BAZ1B: variants seen among roughly 807,000 people sequenced by gnomAD.
BAZ1B encodes the protein bromodomain adjacent to zinc finger domain 1B, also known as tyrosine-protein kinase BAZ1B.
BAZ1B carries 22 observed loss-of-function variants against 153.8 expected under a neutral mutation model. That is an observed-to-expected ratio of 0.14 (90% CI 0.10 to 0.20). The LOEUF (loss-of-function observed/expected upper bound fraction) is 0.20, where lower values mean the gene tolerates loss of function less well. Ranked by LOEUF, BAZ1B falls within the 10% of genes least tolerant of loss-of-function variation. The pLI, the probability that BAZ1B is intolerant of heterozygous loss-of-function variation, is 1.00. For synonymous variants in BAZ1B, 676 were observed against 633.4 expected, an observed-to-expected ratio of 1.07 and a Z score of -1.01; for missense variants, 1,325 against 1,799.3, an observed-to-expected ratio of 0.74 and a Z score of 4.77.
intron 2 of BAZ1B, among the ~76,000 whole-genome samples, chr7:73,508,989 G>A (rs1790462839): frequency 6.6e-6 from 1 of 150,686 alleles, no homozygotes; most frequent in South Asian, 2.1e-4. Flanking sequence ...CTCCAGCCTG[G>A]GCGACAGAGC....
At chr7:73,482,734 A>G (rs1789248229) in intron 6 of BAZ1B, among the ~76,000 whole-genome samples, 1 of 152,208 alleles carries the variant, frequency 6.6e-6, no homozygotes, top group African/African-American at 2.4e-5. Flanking sequence ...TGGCTTAGCC[A>G]TGAGGGTCTA....
intron 3 of BAZ1B, among the ~76,000 whole-genome samples, chr7:73,507,908 T>G (rs377162415): frequency 1.3e-5 from 2 of 152,114 alleles, no homozygotes; most frequent in African/African-American, 4.8e-5. Flanking sequence ...CTTATAATAA[T>G]TGATGGGAGG....
rs1583970137 is a variant in BAZ1B, at chr7:73,521,994, C to G, written c.-61G>C. The G allele has an allele frequency of 1.7e-6, 2 of 1,190,144 alleles. No individual in the cohort carries two copies. Among genetic ancestry groups the G allele is most frequent in the African/African-American group, 1.6e-5 (1 of 62,518 alleles). 73.7% of individuals were successfully genotyped at this position (1,190,144 alleles called of 1,614,324 possible). A position where few individuals can be genotyped will look rare whatever the true frequency, so the allele number is the denominator to read the frequency against. On this transcript the variant is annotated 5_prime_UTR_variant, in exon 1 of 20. Transcript: ENST00000339594. Reference sequence around the variant, plus strand: ...GCCGGCCCCGCGGCGCAGCACTAGGCCCCGCGGCCCGGAGCGAGCGCCAGG... The same window carrying G: ...GCCGGCCCCGCGGCGCAGCACTAGGGCCCGCGGCCCGGAGCGAGCGCCAGG...
intron 1 of BAZ1B, among the ~76,000 whole-genome samples, chr7:73,511,796 A>C (rs1433116143): frequency 1.3e-5 from 2 of 150,990 alleles, no homozygotes; most frequent in African/African-American, 4.9e-5. Context: ...CGAGGCAGGC[A>C]GATCACCTGA....
chr7:73,454,377 TAGTA>T (rs1403198780), intron 13 of BAZ1B, among the ~76,000 whole-genome samples: 1 of 152,154 alleles, frequency 6.6e-6, no homozygotes, highest in Non-Finnish European at 1.5e-5. Context: ...ACACACCACA[TAGTA>T]AGTGTCTCAG....
rs1233957911 is a variant in BAZ1B, at chr7:73,442,117, T to C, written c.*15+64A>G. The C allele has an allele frequency of 3.7e-6, 4 of 1,082,060 alleles. No homozygotes were observed. In the African/African-American group the frequency reaches 4.8e-5, roughly 13 times the overall value. 67.0% of individuals were successfully genotyped at this position (1,082,060 alleles called of 1,614,324 possible). On this transcript the variant is annotated intron_variant, in intron 19 of 19. Coordinates refer to ENST00000339594, the MANE Select transcript of BAZ1B (RefSeq NM_032408.4). ...ACTCCCTGTGATCTCTTCCAGGTTC[T>C]TGGTCTTCCTCGCTCGCCTCCCTCC...
intron 9 of BAZ1B, among the ~76,000 whole-genome samples, chr7:73,469,269 A>G (rs1325593524): frequency 1.3e-5 from 2 of 152,204 alleles, no homozygotes; most frequent in Admixed American, 6.5e-5. Context: ...TATAAAAGCT[A>G]ATACCCAAAT....
At chr7:73,457,457 C>T (rs1418474018) in intron 13 of BAZ1B, among the ~76,000 whole-genome samples, 1 of 151,884 alleles carries the variant, frequency 6.6e-6, no homozygotes, top group Non-Finnish European at 1.5e-5. Context: ...AAATTACAGG[C>T]GTGAGCCACC....
intron 7 of BAZ1B, among the ~76,000 whole-genome samples, chr7:73,476,246 T>C (rs1554572746): frequency 6.6e-6 from 1 of 152,186 alleles, no homozygotes; most frequent in East Asian, 1.9e-4. Flanking sequence ...TTGTACATTA[T>C]CTGTGACTCT....
chr7:73,520,993 AAGAT>A (rs1310447118), intron 1 of BAZ1B, among the ~76,000 whole-genome samples: 1 of 152,214 alleles, frequency 6.6e-6, no homozygotes, highest in Non-Finnish European at 1.5e-5. Context: ...TTTTCACTAA[AAGAT>A]AATGCTTATG....
chr7:73,478,927 C>CTCTGTAGAT (rs1789095750), intron 6 of BAZ1B, among the ~76,000 whole-genome samples: 1 of 152,070 alleles, frequency 6.6e-6, no homozygotes, highest in Non-Finnish European at 1.5e-5. Flanking sequence ...TCCATGGACC[C>CTCTGTAGAT]CAGATTAAGG....
chr7:73,483,205 T>C lies in BAZ1B; in HGVS notation c.892-4636A>G, dbSNP rs369324930. ...ACAATTTTACATTTGTTCCTGTCACTTGAAACTCACCACAACCACAAATAT... is the reference window on the plus strand; with the variant it reads ...ACAATTTTACATTTGTTCCTGTCACCTGAAACTCACCACAACCACAAATAT... On this transcript the variant is annotated intron_variant, in intron 6 of 19. Transcript: ENST00000339594. 7.9e-5 allele frequency among the ~76,000 whole-genome samples: 12 copies of C among 152,206 alleles called. 1 individual carries two copies. The highest frequency in any genetic ancestry group is 5.9e-4 in the Admixed American group (9 of 15,268).
chr7:73,500,079 G>T (rs572290952), intron 3 of BAZ1B, among the ~76,000 whole-genome samples: 39 of 152,246 alleles, frequency 2.6e-4, no homozygotes, highest in Non-Finnish European at 8.8e-5. Flanking sequence ...CTCCTAAGTA[G>T]CTGGGACTAC....
chr7:73,450,871 T>C lies in BAZ1B; in HGVS notation c.3556A>G (p.Arg1186Gly). Reference protein sequence around the residue: ...IKWDMSAENARCKVCRKKGED... With the variant: ...IKWDMSAENAGCKVCRKKGED... ...CCTTTCTTTCGACAAACTTTGCACC[T>C]AGCATTTTCTGCGGACATATCCCAC... The change falls in exon 14 of 20, where the codon AGG becomes GGG. Residue 1186 changes from arginine (R) to glycine (G), a missense_variant. This residue lies in a region of BAZ1B where 21 missense variants were observed against 58.3 expected (regional missense o/e 0.36). Coordinates refer to ENST00000339594, the MANE Select transcript of BAZ1B (RefSeq NM_032408.4). This position sits in a 1 kb window ranked among gnomAD's most constrained non-coding sequence, Gnocchi z 4.1. The C allele has an allele frequency of 3.1e-6, 5 of 1,614,168 alleles. No homozygotes were observed. The highest frequency in any genetic ancestry group is 4.2e-6 in the Non-Finnish European group (5 of 1,180,028).
intron 4 of BAZ1B, 39 bp downstream of exon 4, chr7:73,498,458 A>G (rs1554576644): frequency 1.3e-6 from 2 of 1,564,042 alleles, no homozygotes; most frequent in Non-Finnish European, 1.8e-6. Context: ...AATAAACAGG[A>G]TCTCATAAAA....
intron 3 of BAZ1B, among the ~76,000 whole-genome samples, chr7:73,504,508 A>G (rs1369640134): frequency 6.6e-6 from 1 of 152,024 alleles, no homozygotes; most frequent in Non-Finnish European, 1.5e-5. Context: ...CTAAAAATAC[A>G]AAAAAATTAG....
chr7:73,447,466 C>T, intron 15 of BAZ1B, 87 bp from the exon 16 acceptor site: 4 of 1,441,038 alleles, frequency 2.8e-6, no homozygotes, highest in Non-Finnish European at 3.7e-6. Flanking sequence ...GATCAGGAAA[C>T]TTCTCTTCAC....
At chr7:73,520,113 G>A (rs1790974736) in intron 1 of BAZ1B, among the ~76,000 whole-genome samples, 1 of 151,624 alleles carries the variant, frequency 6.6e-6, no homozygotes, top group Non-Finnish European at 1.5e-5. Flanking sequence ...GGAGGCTGAG[G>A]CAGGAGAATC....
chr7:73,521,736 G>A (rs186853665), intron 1 of BAZ1B, 91 bp downstream of exon 1: 33,677 of 1,116,892 alleles, frequency 0.03, 607 homozygotes, highest in Non-Finnish European at 0.035. Context: ...GCCCCGGGCC[G>A]GGGATGCGCG....
Sources: gnomAD v4.1 joint callset for allele counts (sites outside exome capture counted in the v4.1 genomes callset) on GRCh38, gnomAD v4.1.1 for gene constraint, gnomAD v4.1.1 regional missense constraint, Gnocchi (gnomAD v3.1) non-coding constraint, MANE v1.5 for transcripts, NCBI Gene and HGNC (gene_info 2026-07-23, HGNC 2026-07-21) for gene names.